TNRC6C: variants seen among roughly 807,000 people sequenced by gnomAD.
TNRC6C encodes the protein trinucleotide repeat-containing gene 6C protein.
A neutral mutation model predicts 153.7 loss-of-function variants in TNRC6C; 20 were observed. The ratio of observed to expected loss-of-function variants is 0.13; its 90% CI spans 0.09 to 0.19. The LOEUF is 0.19. Ranked by LOEUF, TNRC6C falls within the 10% of genes least tolerant of loss-of-function variation. The pLI is 1.00. For synonymous variants in TNRC6C, 811 were observed against 841.4 expected, an observed-to-expected ratio of 0.96 and a Z score of 0.63; for missense variants, 1,987 against 2,172.0, an observed-to-expected ratio of 0.91 and a Z score of 1.69.
At chr17:78,050,527 T>C (rs1009631239) in exon 3 of TNRC6C, 4 of 1,613,762 alleles carry the variant, frequency 2.5e-6, no homozygotes, top group South Asian at 1.1e-5. Flanking sequence ...GGCTTCAAAC[T>C]CAGGGGGGAA....
At position 77,986,962 on chromosome 17, in the gene TNRC6C, A is replaced by AT. The variant is rs1326167307; in HGVS notation, c.-37-17207dup. 7.2e-5 allele frequency among the ~76,000 whole-genome samples: 11 copies of AT among 152,332 alleles called. No homozygotes were observed. The South Asian group carries it at 1.7e-3, about 23-fold the overall frequency. ...GAAAAAATTTTAAGAAATCTAGAGAATAAAAAGAGCTAATTTGAATAGTTC... is the reference window on the plus strand; with the variant it reads ...GAAAAAATTTTAAGAAATCTAGAGAATTAAAAAGAGCTAATTTGAATAGTTC... On this transcript the variant is annotated intron_variant, in intron 1 of 22. Coordinates refer to the TNRC6C transcript ENST00000636222.
chr17:77,993,233 A>G (rs888920411), intron 1 of TNRC6C, among the ~76,000 whole-genome samples: 1 of 152,206 alleles, frequency 6.6e-6, no homozygotes, highest in Non-Finnish European at 1.5e-5. Flanking sequence ...AAGTGCTGGG[A>G]TTACAGGCGT....
rs570511787 is a variant in TNRC6C, at chr17:78,007,125, G to A, written c.-546+2046G>A. Among the ~76,000 whole-genome samples, 8 of 152,194 alleles carry A rather than the reference G, an allele frequency of 5.3e-5. No individual in the cohort carries two copies. The South Asian group carries it at 6.2e-4, about 12-fold the overall frequency. ...CTGCCAAAGTGCTGGGATTACAGGC[G>A]TGAGCCACCGCACCTGGCCTCTGTT... On this transcript the variant is annotated intron_variant, in intron 1 of 19. Coordinates refer to ENST00000301624, the Ensembl canonical transcript of TNRC6C.
exon 20 of TNRC6C, chr17:78,105,686 T>G (rs1430780529): frequency 6.6e-6 from 1 of 152,262 alleles, no homozygotes; most frequent in Non-Finnish European, 1.5e-5. Flanking sequence ...CGTGCAGTTT[T>G]CTGTGTTTGT....
chr17:78,046,661 T>A (rs963556687), intron 2 of TNRC6C, among the ~76,000 whole-genome samples: 1 of 152,246 alleles, frequency 6.6e-6, no homozygotes, highest in Non-Finnish European at 1.5e-5. Flanking sequence ...TGATACAATG[T>A]CCAAGGTCAT....
chr17:77,986,426 A>AAAAAG (rs111490213), intron 1 of TNRC6C, among the ~76,000 whole-genome samples: 14 of 141,020 alleles, frequency 9.9e-5, no homozygotes, highest in South Asian at 4.4e-4. Flanking sequence ...AAAAAAAAAA[A>AAAAAG]AAGAAGAAGA....
intron 1 of TNRC6C, among the ~76,000 whole-genome samples, chr17:77,986,371 C>T (rs147380404): frequency 0.012 from 1,747 of 147,774 alleles, 33 homozygotes; most frequent in African/African-American, 0.041. Flanking sequence ...CGAGATCGCG[C>T]CATTGCACTC....
chr17:77,972,695 A>G (rs2070949019), intron 1 of TNRC6C, among the ~76,000 whole-genome samples: 1 of 152,232 alleles, frequency 6.6e-6, no homozygotes, highest in Non-Finnish European at 1.5e-5. Context: ...ACATATAGCA[A>G]GAAATTGGAT....
intron 1 of TNRC6C, among the ~76,000 whole-genome samples, chr17:77,973,807 G>A (rs2070961540): frequency 6.6e-6 from 1 of 152,178 alleles, no homozygotes; most frequent in African/African-American, 2.4e-5. Flanking sequence ...CACCGAAACT[G>A]CAAAAACATT....
chr17:77,967,611 G>C (rs899183019), intron 1 of TNRC6C, among the ~76,000 whole-genome samples: 1 of 152,178 alleles, frequency 6.6e-6, no homozygotes, highest in African/African-American at 2.4e-5. Flanking sequence ...GGAGTGGCTA[G>C]TTCCTTTTCC....
chr17:77,984,828 G>GCGCACA (rs374953385), intron 1 of TNRC6C, among the ~76,000 whole-genome samples: 1 of 149,552 alleles, frequency 6.7e-6, no homozygotes, highest in African/African-American at 2.5e-5. Context: ...CCTCTTATAC[G>GCGCACA]CACACACACA....
At chr17:78,059,124 AT>A (rs1425937932) in intron 3 of TNRC6C, among the ~76,000 whole-genome samples, 4 of 152,254 alleles carry the variant, frequency 2.6e-5, no homozygotes, top group Non-Finnish European at 5.9e-5. Flanking sequence ...ATTCTTTAGT[AT>A]AAAAACTACA....
intron 3 of TNRC6C, among the ~76,000 whole-genome samples, chr17:78,056,869 T>TTTTTTTTTTTTTTTTTTTGA (rs1555638091): frequency 2.6e-5 from 4 of 151,042 alleles, no homozygotes; most frequent in East Asian, 3.9e-4. Context: ...CTCTTTTATA[T>TTTTTTTTTTTTTTTTTTTGA]GAAAAATATT....
chr17:78,093,512 A>G, intron 15 of TNRC6C, 108 bp from the exon 18 acceptor site: 2 of 1,351,872 alleles, frequency 1.5e-6, no homozygotes, highest in Non-Finnish European at 2.0e-6. Context: ...TAATTTAATT[A>G]GCAGATTATA....
chr17:78,037,151 AGTGT>A (rs1461238990), intron 2 of TNRC6C, among the ~76,000 whole-genome samples: 2 of 152,342 alleles, frequency 1.3e-5, no homozygotes, highest in Non-Finnish European at 2.9e-5. Context: ...TAGACAAACT[AGTGT>A]ACTGGCTTCA....
chr17:78,038,150 G>A (rs1287731777), intron 2 of TNRC6C, among the ~76,000 whole-genome samples: 1 of 152,172 alleles, frequency 6.6e-6, no homozygotes, highest in Non-Finnish European at 1.5e-5. Context: ...CATAAGCCAT[G>A]AAAAGAAAGA....
chr17:78,101,835 GC>G (rs1404496935), intron 17 of TNRC6C, among the ~76,000 whole-genome samples: 1 of 152,136 alleles, frequency 6.6e-6, no homozygotes, highest in Non-Finnish European at 1.5e-5. Context: ...GGTGTTCCTT[GC>G]CCTCATTCCG....
rs759199779 is a variant in TNRC6C at position 78,078,160 on chromosome 17, G to A, written c.3210+826G>A. Among the ~76,000 whole-genome samples the A allele has an allele frequency of 2.6e-5, 4 of 152,190 alleles. No individual in the cohort carries two copies. In the South Asian group the frequency reaches 6.2e-4, roughly 24 times the overall value. On this transcript the variant is annotated intron_variant, in intron 9 of 19. Transcript: ENST00000301624. Reference sequence around the variant, plus strand: ...CAGCGCCCGACTGTGTGATCCTGGCGATCTGACATTGCCCCCTTGGTGGTG... The same window carrying A: ...CAGCGCCCGACTGTGTGATCCTGGCAATCTGACATTGCCCCCTTGGTGGTG...
chr17:77,985,983 A>T (rs555817701), intron 1 of TNRC6C, among the ~76,000 whole-genome samples: 158 of 152,378 alleles, frequency 1.0e-3, no homozygotes, highest in Non-Finnish European at 1.6e-3. Context: ...TGCAGTATAG[A>T]TAAGTCAGTA....
Sources: allele counts gnomAD v4.1 joint callset (sites outside exome capture counted in the v4.1 genomes callset), GRCh38; gene constraint gnomAD v4.1.1; transcripts MANE v1.5; gene names NCBI Gene and HGNC (gene_info 2026-07-23, HGNC 2026-07-21).